NUMB: variants seen among roughly 807,000 people sequenced by gnomAD.
The protein encoded by NUMB is NUMB endocytic adaptor protein.
In NUMB, 29 loss-of-function variants were observed where a neutral mutation model predicts 59.7. The ratio of observed to expected loss-of-function variants is 0.49; its 90% CI spans 0.36 to 0.66. The LOEUF is 0.66. Ranked by LOEUF, NUMB falls within the 30% of genes least tolerant of loss-of-function variation. The pLI is 0.00. For synonymous variants in NUMB, 288 were observed against 288.2 expected, an observed-to-expected ratio of 1.00 and a Z score of 0.01; for missense variants, 723 against 822.0, an observed-to-expected ratio of 0.88 and a Z score of 1.47.
At chr14:73,298,119 C>A (rs1336101072) in intron 6 of NUMB, 1 of 152,196 alleles carries the variant, frequency 6.6e-6, no homozygotes, top group Non-Finnish European at 1.5e-5. Flanking sequence ...GAACTCCTGA[C>A]CTCAAGTGAT....
intron 2 of NUMB, among the ~76,000 whole-genome samples, chr14:73,368,904 C>G (rs1894520931): frequency 6.6e-6 from 1 of 152,158 alleles, no homozygotes; most frequent in Non-Finnish European, 1.5e-5. Flanking sequence ...ATTCCAACAA[C>G]TCTAACTTCT....
In NUMB at chr14:73,415,732, GCTGGGATTACAGGT is replaced by G. The variant is rs200800484; in HGVS notation, c.-232-5678_-232-5665del. Among the ~76,000 whole-genome samples the G allele has an allele frequency of 8.4e-3, 1,276 of 152,200 alleles. 19 individuals are homozygous for G. The highest frequency in any genetic ancestry group is 0.03 in the African/African-American group (1,230 of 41,530). Reference sequence around the variant, plus strand: ...TCTGCCCTCCTCAGCCTCCCAAAGTGCTGGGATTACAGGTGTGAGCCACCACGTCCGGCCTCTTG... The same window carrying G: ...TCTGCCCTCCTCAGCCTCCCAAAGTGGTGAGCCACCACGTCCGGCCTCTTG... On this transcript the variant is annotated intron_variant, in intron 1 of 12. Coordinates refer to ENST00000555238, the MANE Select transcript of NUMB (RefSeq NM_001005743.2).
intron 4 of NUMB, among the ~76,000 whole-genome samples, chr14:73,353,356 G>A (rs1211883232): frequency 6.7e-6 from 1 of 149,752 alleles, no homozygotes; most frequent in Non-Finnish European, 1.5e-5. Context: ...CAAAGTGCTG[G>A]GATTACAGGT....
rs1179507039 is a variant in NUMB, at chr14:73,276,955, C to T, written c.1579G>A (p.Val527Met). The T allele has an allele frequency of 3.1e-6, 5 of 1,614,034 alleles. No homozygotes were observed. The highest frequency in any genetic ancestry group is 4.2e-6 in the Non-Finnish European group (5 of 1,180,042). The change falls in exon 13 of 13, where the codon GTG becomes ATG. Residue 527 changes from valine to methionine, a missense_variant. Val to Met is a conservative substitution (Grantham distance 21). This residue lies in a region of NUMB where 406 missense variants were observed against 385.4 expected (regional missense o/e 1.05). Coordinates refer to ENST00000555238, the MANE Select transcript of NUMB (RefSeq NM_001005743.2). ...MPYPAPNVPV[V>M]GITPSQMVAN... The stretch of plus-strand genomic sequence containing the variant: ...ACCATCTGGGAGGGAGTGATGCCCA[C>T]CACAGGCACATTAGGGGCTGGATAG...
chr14:73,277,500 G>A (rs1279512937), intron 12 of NUMB, among the ~76,000 whole-genome samples: 1 of 152,182 alleles, frequency 6.6e-6, no homozygotes, highest in African/African-American at 2.4e-5. Flanking sequence ...CCATGCTGCT[G>A]TGTCAGCCAC....
intron 12 of NUMB, among the ~76,000 whole-genome samples, chr14:73,278,272 G>A (rs191811704): frequency 2.0e-5 from 3 of 151,954 alleles, no homozygotes; most frequent in East Asian, 3.9e-4. Flanking sequence ...CTGTAATCCC[G>A]GCACTTTTGG....
At chr14:73,302,662 T>G (rs1031771534) in intron 6 of NUMB, among the ~76,000 whole-genome samples, 1 of 151,858 alleles carries the variant, frequency 6.6e-6, no homozygotes, top group Non-Finnish European at 1.5e-5. Flanking sequence ...TCCGCCCACT[T>G]TAGCCTCTCA....
intron 6 of NUMB, among the ~76,000 whole-genome samples, chr14:73,314,099 AAAGTT>A (rs1021315193): frequency 2.0e-5 from 3 of 152,244 alleles, no homozygotes; most frequent in African/African-American, 4.8e-5. Flanking sequence ...AATAAAATCT[AAAGTT>A]AAATTACTAC....
chr14:73,330,106 A>G (rs183915686), intron 4 of NUMB, among the ~76,000 whole-genome samples: 9 of 152,266 alleles, frequency 5.9e-5, no homozygotes, highest in African/African-American at 1.7e-4. Flanking sequence ...TGGTCCAAAC[A>G]TAGTTAACTG....
chr14:73,441,095 CAT>C (rs1387846386), intron 1 of NUMB, among the ~76,000 whole-genome samples: 1 of 151,862 alleles, frequency 6.6e-6, no homozygotes, highest in Admixed American at 6.6e-5. Context: ...ATAAAGAAAA[CAT>C]ATATTACAAC....
chr14:73,342,460 A>C (rs1892686765), intron 4 of NUMB, among the ~76,000 whole-genome samples: 1 of 152,248 alleles, frequency 6.6e-6, no homozygotes, highest in African/African-American at 2.4e-5. Flanking sequence ...ACAGGCAATA[A>C]AATTATAAGC....
At chr14:73,309,349 A>G (rs912166543) in intron 6 of NUMB, among the ~76,000 whole-genome samples, 1 of 152,212 alleles carries the variant, frequency 6.6e-6, no homozygotes, top group Non-Finnish European at 1.5e-5. Flanking sequence ...AGACTGGATA[A>G]AGAAAATGTG....
intron 5 of NUMB, among the ~76,000 whole-genome samples, chr14:73,320,229 T>C (rs1197627678): frequency 6.6e-6 from 1 of 152,200 alleles, no homozygotes; most frequent in Non-Finnish European, 1.5e-5. Context: ...GTTTTAATAA[T>C]ACATGCCAGT....
chr14:73,276,530 C>G lies in NUMB; in HGVS notation c.*48G>C, dbSNP rs764139002. 6.8e-7 allele frequency: 1 copy of G among 1,472,638 alleles called. No individual in the cohort carries two copies. Among genetic ancestry groups the G allele is most frequent in the South Asian group, 1.2e-5 (1 of 81,160 alleles). 91.2% of individuals were successfully genotyped at this position (1,472,638 alleles called of 1,614,324 possible). ...CTGTTTTGCTCCTTTGACCGCTACCCCCTGCTCCCTGTCTGGTATGGACAA... is the reference window on the plus strand; with the variant it reads ...CTGTTTTGCTCCTTTGACCGCTACCGCCTGCTCCCTGTCTGGTATGGACAA... On this transcript the variant is annotated 3_prime_UTR_variant, in exon 13 of 13. Coordinates refer to ENST00000555238, the MANE Select transcript of NUMB (RefSeq NM_001005743.2).
chr14:73,306,311 T>G (rs1029082117), intron 6 of NUMB, among the ~76,000 whole-genome samples: 16 of 152,128 alleles, frequency 1.1e-4, no homozygotes, highest in Non-Finnish European at 2.2e-4. Context: ...TCACTTCAAT[T>G]GGGGGAGGGG....
At chr14:73,438,726 T>A (rs1007192223) in intron 1 of NUMB, among the ~76,000 whole-genome samples, 3 of 151,278 alleles carry the variant, frequency 2.0e-5, no homozygotes, top group African/African-American at 7.3e-5. Flanking sequence ...TCCAAAATTA[T>A]CTATATAGTA....
intron 1 of NUMB, among the ~76,000 whole-genome samples, chr14:73,443,552 G>A (rs928742464): frequency 6.7e-6 from 1 of 149,352 alleles, no homozygotes; most frequent in Non-Finnish European, 1.5e-5. Context: ...CCGAGACCAT[G>A]CCATTGCACG....
At chr14:73,352,479 T>TACACACACACACACACAC (rs1893404520) in intron 4 of NUMB, among the ~76,000 whole-genome samples, 1 of 4,600 alleles carries the variant, frequency 2.2e-4, no homozygotes, top group Non-Finnish European at 3.3e-4. Flanking sequence ...CACACACACA[T>TACACACACACACACACAC]ATATATATAT....
chr14:73,300,891 A>G (rs1890087829), intron 6 of NUMB, among the ~76,000 whole-genome samples: 1 of 152,130 alleles, frequency 6.6e-6, no homozygotes, highest in Admixed American at 6.6e-5. Flanking sequence ...TTAAAGTACA[A>G]TAAAAAAAAG....
Sources: gnomAD v4.1 joint callset for allele counts (sites outside exome capture counted in the v4.1 genomes callset) on GRCh38, gnomAD v4.1.1 for gene constraint, gnomAD v4.1.1 regional missense constraint, MANE v1.5 for transcripts, NCBI Gene and HGNC (gene_info 2026-07-23, HGNC 2026-07-21) for gene names.